Variants in IL1RAPL1 observed in about 807,000 individuals in gnomAD.
IL1RAPL1 encodes the protein interleukin-1 receptor accessory protein-like 1.
A neutral mutation model predicts 48.4 loss-of-function variants in IL1RAPL1; 3 were observed. The ratio of observed to expected loss-of-function variants is 0.06; its 90% confidence interval spans 0.03 to 0.16. The LOEUF is 0.16. Among genes scored for constraint, IL1RAPL1 ranks in the 10% least tolerant of loss-of-function variants. The probability of loss-of-function intolerance (pLI) is 1.00; values close to 1 mark genes in which losing one functional copy is unlikely to be tolerated. For synonymous variants in IL1RAPL1, 185 were observed against 187.7 expected (o/e 0.99, Z 0.12); for missense variants, 349 against 530.6 (o/e 0.66, Z 3.36).
intron 2 of IL1RAPL1, among the ~76,000 whole-genome samples, chrX:29,082,107 T>C (rs995363286): frequency 8.9e-6 from 1 of 112,208 alleles, no homozygotes; most frequent in Non-Finnish European, 1.9e-5. Flanking sequence ...AATGTGTTCA[T>C]AATAGCATAT....
intron 2 of IL1RAPL1, among the ~76,000 whole-genome samples, chrX:28,800,470 G>C (rs1256045452): frequency 9.0e-6 from 1 of 111,588 alleles, no homozygotes; most frequent in Admixed American, 9.6e-5. Context: ...GGGAAAACAT[G>C]CAGAGAGAGA....
chrX:29,856,786 A>G (rs1931485214), intron 6 of IL1RAPL1, among the ~76,000 whole-genome samples: 1 of 111,874 alleles, frequency 8.9e-6, no homozygotes, highest in South Asian at 3.7e-4. Flanking sequence ...TAGTTTATAA[A>G]TTTATGAATT....
chrX:29,687,736 A>G (rs1926664368), intron 6 of IL1RAPL1, among the ~76,000 whole-genome samples: 1 of 112,393 alleles, frequency 8.9e-6, no homozygotes, highest in African/African-American at 3.2e-5. Context: ...ATTTACACAT[A>G]TATGGAAACA....
chrX:28,680,059 T>C (rs957004764), intron 1 of IL1RAPL1, among the ~76,000 whole-genome samples: 2 of 111,872 alleles, frequency 1.8e-5, no homozygotes, highest in Non-Finnish European at 3.8e-5. Context: ...GTAGTGTGAA[T>C]ATTTTAACAA....
At chrX:29,619,411 T>G (rs1480161753) in intron 5 of IL1RAPL1, among the ~76,000 whole-genome samples, 1 of 111,967 alleles carries the variant, frequency 8.9e-6, no homozygotes, top group East Asian at 2.8e-4. Flanking sequence ...TTAAACAAGC[T>G]TATTGCATGG....
Position 29,205,744 on chromosome X carries a change from A to AT in IL1RAPL1, c.83-77186dup, listed in dbSNP as rs1335877575. On this transcript the variant is annotated intron_variant, in intron 2 of 10. Coordinates refer to ENST00000378993, the MANE Select transcript of IL1RAPL1 (RefSeq NM_014271.4). ...TTATTTTATTTTTTTTATTATTATT[A>AT]TTTTTTTTGAGATGGAGTCTCACTC... Among the ~76,000 whole-genome samples the AT allele has an allele frequency of 3.7e-4, 40 of 108,006 alleles. 1 individual carries two copies. Among genetic ancestry groups the AT allele is most frequent in the African/African-American group, 1.0e-3 (31 of 29,789 alleles). 93.8% of individuals were successfully genotyped at this position (108,006 alleles called of 115,157 possible). A position where few individuals can be genotyped will look rare whatever the true frequency, so the allele number is the denominator to read the frequency against.
intron 3 of IL1RAPL1, among the ~76,000 whole-genome samples, chrX:29,327,539 T>C (rs1005649628): frequency 6.8e-5 from 7 of 102,272 alleles, no homozygotes; most frequent in Non-Finnish European, 1.2e-4. Flanking sequence ...TAAAATTTCA[T>C]TTATTTTGTT....
chrX:28,667,079 C>T (rs1934888712), intron 1 of IL1RAPL1, among the ~76,000 whole-genome samples: 1 of 111,182 alleles, frequency 9.0e-6, no homozygotes, highest in African/African-American at 3.3e-5. Flanking sequence ...TTAAGAAAAC[C>T]ATTTTTTATT....
intron 6 of IL1RAPL1, among the ~76,000 whole-genome samples, chrX:29,773,085 C>G (rs1373278195): frequency 8.9e-6 from 1 of 112,193 alleles, no homozygotes; most frequent in South Asian, 3.7e-4. Flanking sequence ...ATACAATTAA[C>G]TCTTAACCTA....
intron 1 of IL1RAPL1, among the ~76,000 whole-genome samples, chrX:28,737,205 C>CTCTT (rs762616408): frequency 0.18 from 8,930 of 50,256 alleles, 902 homozygotes; most frequent in African/African-American, 0.22. Flanking sequence ...TTCTTTCTTT[C>CTCTT]TCTTTCTTTC....
At chrX:28,969,824 G>GAAACATATATATGTTTCT (rs1925010958) in intron 2 of IL1RAPL1, among the ~76,000 whole-genome samples, 2 of 95,264 alleles carry the variant, frequency 2.1e-5, no homozygotes, top group East Asian at 6.7e-4. Flanking sequence ...TTCATCTTTA[G>GAAACATATATATGTTTCT]AAACATATAT....
intron 1 of IL1RAPL1, among the ~76,000 whole-genome samples, chrX:28,652,603 C>T (rs371704967): frequency 4.3e-4 from 48 of 111,823 alleles, no homozygotes; most frequent in Admixed American, 6.7e-4. Flanking sequence ...GCAATGCTGA[C>T]GGGGGACCAC....
At chrX:28,921,105 A>C (rs1385851713) in intron 2 of IL1RAPL1, among the ~76,000 whole-genome samples, 2 of 110,929 alleles carry the variant, frequency 1.8e-5, no homozygotes, top group Non-Finnish European at 3.8e-5. Flanking sequence ...TACACAAATA[A>C]AGGTTCTGTG....
Position 29,956,383 on chromosome X carries a change from C to T in IL1RAPL1, c.*563C>T, listed in dbSNP as rs1300276026. The T allele has an allele frequency of 9.3e-6, 1 of 108,104 alleles. No individual in the cohort carries two copies. Among genetic ancestry groups the T allele is most frequent in the African/African-American group, 3.5e-5 (1 of 28,747 alleles). 8.9% of individuals were successfully genotyped at this position (108,104 alleles called of 1,213,427 possible). A position where few individuals can be genotyped will look rare whatever the true frequency, so the allele number is the denominator to read the frequency against. ...AGAACACTTGTTCATAGGAGGGCCC[C>T]ACCAGTCAGAGCCCTGAATCTCTTC... On this transcript the variant is annotated 3_prime_UTR_variant, in exon 11 of 11. Transcript: ENST00000378993.
At chrX:29,623,753 G>A (rs1042638489) in intron 5 of IL1RAPL1, among the ~76,000 whole-genome samples, 6 of 111,979 alleles carry the variant, frequency 5.4e-5, no homozygotes, top group African/African-American at 1.9e-4. Flanking sequence ...AGAAAATATT[G>A]GCATTCCGCA....
chrX:29,541,462 C>G (rs1232720020), intron 5 of IL1RAPL1, among the ~76,000 whole-genome samples: 1 of 111,420 alleles, frequency 9.0e-6, no homozygotes, highest in Non-Finnish European at 1.9e-5. Context: ...GTCATTCTCC[C>G]AGAAAGTCAT....
chrX:29,045,941 T>TTCC lies in IL1RAPL1; in HGVS notation c.83-236974_83-236972dup, dbSNP rs764153190. ...TTCTTCCTCCTCCTCCTCCTCCTTC[T>TTCC]TCCTCCTCCTCCTCCTCCTCCTCCT... is the stretch of plus-strand genomic sequence containing the variant. On this transcript the variant is annotated intron_variant, in intron 2 of 10. Transcript: ENST00000378993. 3.6e-4 allele frequency among the ~76,000 whole-genome samples: 24 copies of TTCC among 67,027 alleles called. 1 individual carries two copies. Among genetic ancestry groups the TTCC allele is most frequent in the Admixed American group, 2.1e-3 (11 of 5,168 alleles). The allele number at this position is 67,027 out of a possible 115,157, so 58.2% of individuals were successfully genotyped here.
At chrX:28,843,794 A>C (rs767382669) in intron 2 of IL1RAPL1, among the ~76,000 whole-genome samples, 1 of 111,393 alleles carries the variant, frequency 9.0e-6, no homozygotes, top group African/African-American at 3.3e-5. Flanking sequence ...TGGTGGCAAG[A>C]ACAAGGGGAT....
chrX:29,710,561 G>A (rs755201166), intron 6 of IL1RAPL1, among the ~76,000 whole-genome samples: 20 of 105,261 alleles, frequency 1.9e-4, no homozygotes, highest in Non-Finnish European at 3.5e-4. Context: ...GTAGTAATAC[G>A]TCTTTGTATT....
Sources: gnomAD v4.1 joint callset for allele counts (sites outside exome capture counted in the v4.1 genomes callset) on GRCh38, gnomAD v4.1.1 for gene constraint, MANE v1.5 for transcripts, NCBI Gene and HGNC (gene_info 2026-07-23, HGNC 2026-07-21) for gene names.